The following PARL variants were observed in gnomAD, a reference collection of about 807,000 sequenced individuals.
PARL encodes the protein presenilin-associated rhomboid-like protein, mitochondrial.
PARL carries 44 observed loss-of-function variants against 51.6 expected under a neutral mutation model. That is an observed-to-expected ratio of 0.85 (90% CI 0.67 to 1.10). The LOEUF (loss-of-function observed/expected upper bound fraction) is 1.10, where lower values mean the gene tolerates loss of function less well. PARL is among the 50% of genes least tolerant of loss of function. PARL has a pLI of 0.00. For missense variants in PARL, 441 were observed against 469.5 expected (o/e 0.94, Z 0.56); for synonymous variants, 172 against 164.0 (o/e 1.05, Z -0.37).
At chr3:183,844,772 CAT>C (rs1211948875) in intron 4 of PARL, 2 of 163,614 alleles carry the variant, frequency 1.2e-5, no homozygotes, top group African/African-American at 4.8e-5. Context: ...CTTATGGAAA[CAT>C]ATGTGAGTCA....
At chr3:183,847,590 GA>G (rs201013277) in intron 4 of PARL, among the ~76,000 whole-genome samples, 6 of 150,856 alleles carry the variant, frequency 4.0e-5, no homozygotes, top group South Asian at 4.2e-4. Context: ...TAAATAAAAA[GA>G]AAAAAAAGGG....
At chr3:183,838,216 G>A (rs965300193) in intron 7 of PARL, among the ~76,000 whole-genome samples, 19 of 151,854 alleles carry the variant, frequency 1.3e-4, no homozygotes, top group Non-Finnish European at 2.6e-4. Flanking sequence ...TTGTAGAGAT[G>A]GGGTCTCACT....
chr3:183,868,074 A>G lies in PARL; in HGVS notation c.126-14T>C, dbSNP rs757629792. On this transcript the variant is annotated splice_polypyrimidine_tract_variant and intron_variant, in intron 1 of 9. Coordinates refer to ENST00000317096, the MANE Select transcript of PARL (RefSeq NM_018622.7). ...AAGAAGTTAAACCTATGGGGCAAAA[A>G]TAACAGATGAGAAACACAGTAGCGT... The G allele has an allele frequency of 2.5e-6, 4 of 1,598,928 alleles. No individual in the cohort carries two copies. The highest frequency in any genetic ancestry group is 8.6e-7 in the Non-Finnish European group (1 of 1,166,048).
chr3:183,841,452 GT>G (rs1285818006), intron 6 of PARL, among the ~76,000 whole-genome samples: 1 of 152,080 alleles, frequency 6.6e-6, no homozygotes, highest in African/African-American at 2.4e-5. Context: ...TTAACCCCTT[GT>G]CATGAGGAGG....
intron 7 of PARL, among the ~76,000 whole-genome samples, chr3:183,839,638 T>G (rs1232981630): frequency 6.6e-6 from 1 of 152,138 alleles, no homozygotes; most frequent in Non-Finnish European, 1.5e-5. Context: ...AGGCTGGTCT[T>G]GAACTCCTGA....
intron 4 of PARL, among the ~76,000 whole-genome samples, chr3:183,853,360 C>T (rs1478640745): frequency 3.3e-5 from 5 of 151,892 alleles, no homozygotes; most frequent in African/African-American, 9.7e-5. Context: ...GTCAGGGTTT[C>T]GAGACCAGCC....
chr3:183,843,368 T>G (rs927623408), intron 5 of PARL: 1 of 825,098 alleles, frequency 1.2e-6, no homozygotes, highest in Admixed American at 6.2e-5. Flanking sequence ...ACAAAAAAAA[T>G]TAGCTGGGCA....
At chr3:183,865,479 G>A (rs1732363266) in intron 3 of PARL, among the ~76,000 whole-genome samples, 1 of 152,176 alleles carries the variant, frequency 6.6e-6, no homozygotes, top group African/African-American at 2.4e-5. Flanking sequence ...GTGAGCAGTG[G>A]GAGAGCATTA....
At chr3:183,856,410 A>T (rs921649929) in intron 4 of PARL, 1 of 152,432 alleles carries the variant, frequency 6.6e-6, no homozygotes, top group East Asian at 1.9e-4. Flanking sequence ...CAGCCAAAGA[A>T]CTAGGCTCAA....
intron 5 of PARL, among the ~76,000 whole-genome samples, chr3:183,843,856 C>G (rs928317950): frequency 2.6e-5 from 4 of 150,982 alleles, no homozygotes; most frequent in Non-Finnish European, 5.9e-5. Flanking sequence ...CTATCCAACA[C>G]GGTGAAACCC....
chr3:183,851,634 C>T (rs1439463241), intron 4 of PARL, among the ~76,000 whole-genome samples: 1 of 151,522 alleles, frequency 6.6e-6, no homozygotes, highest in Non-Finnish European at 1.5e-5. Context: ...ATAAAGGCAA[C>T]AAAATGGGAG....
downstream of PARL, chr3:183,829,244 T>C: frequency 2.0e-5 from 8 of 393,202 alleles, no homozygotes; most frequent in South Asian, 2.1e-4. Flanking sequence ...GCAGAGGCAC[T>C]GGAGGGTCCA....
chr3:183,861,998 C>T (rs954489837), intron 4 of PARL, among the ~76,000 whole-genome samples: 1 of 152,178 alleles, frequency 6.6e-6, no homozygotes, highest in African/African-American at 2.4e-5. Context: ...TGGCCTCGAA[C>T]TCCTGAGCTC....
downstream of PARL, among the ~76,000 whole-genome samples, chr3:183,828,874 G>A (rs1361153112): frequency 4.6e-5 from 7 of 152,132 alleles, no homozygotes; most frequent in Non-Finnish European, 5.9e-5. Flanking sequence ...TCTCAGTCAC[G>A]AGGGTAACAT....
downstream of PARL, chr3:183,826,554 A>C: frequency 1.0e-6 from 1 of 961,864 alleles, no homozygotes; most frequent in Non-Finnish European, 1.2e-6. Flanking sequence ...CTGGGAGGGG[A>C]CTGCAGCACA....
At chr3:183,840,843 G>A (rs1729228802) in intron 6 of PARL, among the ~76,000 whole-genome samples, 1 of 151,782 alleles carries the variant, frequency 6.6e-6, no homozygotes, top group Non-Finnish European at 1.5e-5. Context: ...TGAGTAGCTG[G>A]GATTACAGGC....
intron 1 of PARL, among the ~76,000 whole-genome samples, chr3:183,882,606 A>G (rs1232001616): frequency 6.6e-6 from 1 of 152,176 alleles, no homozygotes; most frequent in Non-Finnish European, 1.5e-5. Context: ...GTAACAGTAA[A>G]GTTTACAAGG....
chr3:183,850,846 T>C (rs1730464738), intron 4 of PARL, among the ~76,000 whole-genome samples: 1 of 152,200 alleles, frequency 6.6e-6, no homozygotes, highest in Non-Finnish European at 1.5e-5. Context: ...GAAAAATCAA[T>C]GTAATATTTC....
chr3:183,835,402 C>G (rs1728457112), intron 7 of PARL, among the ~76,000 whole-genome samples: 1 of 152,144 alleles, frequency 6.6e-6, no homozygotes, highest in African/African-American at 2.4e-5. Context: ...CCAGAGATCT[C>G]AGATGTCCCC....
Sources: allele counts gnomAD v4.1 joint callset (sites outside exome capture counted in the v4.1 genomes callset), GRCh38; gene constraint gnomAD v4.1.1; transcripts MANE v1.5; gene names NCBI Gene and HGNC (gene_info 2026-07-23, HGNC 2026-07-21).